Variants in RAB27B observed in about 807,000 individuals in gnomAD.
The protein encoded by RAB27B is ras-related protein Rab-27B.
RAB27B carries 15 observed loss-of-function variants against 24.6 expected under a neutral mutation model. The ratio of observed to expected loss-of-function variants is 0.61; its 90% CI spans 0.41 to 0.94. The LOEUF (loss-of-function observed/expected upper bound fraction) is 0.94. Among genes scored for constraint, RAB27B ranks in the 40% least tolerant of loss-of-function variants. The pLI, the probability that RAB27B is intolerant of heterozygous loss-of-function variation, is 0.00. For missense variants in RAB27B, 261 were observed against 266.8 expected (o/e 0.98, Z 0.15); for synonymous variants, 105 against 92.5 (o/e 1.14, Z -0.78).
At chr18:54,875,074 G>C (rs1413471466) in intron 1 of RAB27B, among the ~76,000 whole-genome samples, 1 of 152,182 alleles carries the variant, frequency 6.6e-6, no homozygotes, top group East Asian at 1.9e-4. Context: ...TGTAATCCCA[G>C]CACTTTCGGA....
At chr18:54,730,493 G>T (rs928873014) in intron 2 of RAB27B, among the ~76,000 whole-genome samples, 2 of 151,974 alleles carry the variant, frequency 1.3e-5, no homozygotes, top group East Asian at 1.9e-4. Context: ...TTACCTATAT[G>T]ATATGGTTTG....
At chr18:54,771,651 AG>A (rs1876776391) in intron 2 of RAB27B, among the ~76,000 whole-genome samples, 1 of 151,164 alleles carries the variant, frequency 6.6e-6, no homozygotes, top group Non-Finnish European at 1.5e-5. Flanking sequence ...GGCTCTAAAA[AG>A]ACTTTGTAAA....
intron 1 of RAB27B, among the ~76,000 whole-genome samples, chr18:54,830,225 A>G (rs1910621659): frequency 6.6e-6 from 1 of 152,230 alleles, no homozygotes; most frequent in Non-Finnish European, 1.5e-5. Context: ...GCCAGTTTAC[A>G]CTACAACTGT....
chr18:54,865,011 A>G (rs1229303457), intron 1 of RAB27B, among the ~76,000 whole-genome samples: 1 of 152,132 alleles, frequency 6.6e-6, no homozygotes, highest in Non-Finnish European at 1.5e-5. Context: ...AAATGTGTTA[A>G]TTATTAGTGT....
chr18:54,850,333 GATATATAT>G (rs35735191), intron 1 of RAB27B, among the ~76,000 whole-genome samples: 5,238 of 95,230 alleles, frequency 0.055, 644 homozygotes, highest in African/African-American at 0.23. Flanking sequence ...AAACAAACAG[GATATATAT>G]ATATATATAT....
intron 1 of RAB27B, among the ~76,000 whole-genome samples, chr18:54,849,935 A>C (rs893651569): frequency 6.6e-6 from 1 of 152,144 alleles, no homozygotes; most frequent in Non-Finnish European, 1.5e-5. Context: ...TCATACCTTT[A>C]AAAGGAAAAA....
intron 2 of RAB27B, among the ~76,000 whole-genome samples, chr18:54,791,561 G>C (rs561452333): frequency 6.6e-6 from 1 of 152,166 alleles, no homozygotes; most frequent in Non-Finnish European, 1.5e-5. Context: ...CGGAAGAGGG[G>C]AAGGGAGGTG....
In RAB27B at chr18:54,894,085, T is replaced by G. The variant is rs79903345; in HGVS notation, c.*4672T>G. On this transcript the variant is annotated 3_prime_UTR_variant, in exon 6 of 6. Coordinates refer to ENST00000262094, the MANE Select transcript of RAB27B (RefSeq NM_004163.4). Reference sequence around the variant, plus strand: ...ATAAATTAGATTTATGATATTTTCATAAAGCACTTGATTAGTTTTTCAAGG... The same window carrying G: ...ATAAATTAGATTTATGATATTTTCAGAAAGCACTTGATTAGTTTTTCAAGG... 78 of 152,088 alleles carry G rather than the reference T, an allele frequency of 5.1e-4. 1 individual carries two copies. The East Asian group carries it at 8.1e-3, about 16-fold the overall frequency. 9.4% of individuals were successfully genotyped at this position (152,088 alleles called of 1,614,324 possible). A position where few individuals can be genotyped will look rare whatever the true frequency, so the allele number is the denominator to read the frequency against.
chr18:54,756,996 C>T (rs1006322175), intron 2 of RAB27B, among the ~76,000 whole-genome samples: 2 of 152,118 alleles, frequency 1.3e-5, no homozygotes, highest in African/African-American at 4.8e-5. Context: ...GATAGTATGA[C>T]ACCTGCAATG....
Position 54,795,976 on chromosome 18 carries a change from G to C in RAB27B, c.-20+77835G>C, listed in dbSNP as rs181879494. On this transcript the variant is annotated intron_variant, in intron 2 of 4. Coordinates refer to the RAB27B transcript ENST00000586570. ...ATTGAAACATGTATACACCCGTGAA[G>C]CCATCACAATAATTAAATGAATATA... Among the ~76,000 whole-genome samples, 636 of 152,236 alleles carry C rather than the reference G, an allele frequency of 4.2e-3. 4 individuals carry two copies. Among genetic ancestry groups the C allele is most frequent in the Non-Finnish European group, 4.7e-3 (319 of 68,016 alleles).
chr18:54,869,702 C>T (rs1912386818), intron 1 of RAB27B, among the ~76,000 whole-genome samples: 2 of 152,178 alleles, frequency 1.3e-5, no homozygotes, highest in Non-Finnish European at 2.9e-5. Flanking sequence ...TAAAAATAAA[C>T]TCTTGAAGAA....
chr18:54,741,888 C>T lies in RAB27B; in HGVS notation c.-20+23747C>T, dbSNP rs77568921. ...CCTAAGCTGGCAGTAGGTAAGAAGT[C>T]AAGGCCTCTATAATATCTGAAGACA... On this transcript the variant is annotated intron_variant, in intron 2 of 4. Transcript: ENST00000586570. Among the ~76,000 whole-genome samples the T allele has an allele frequency of 1.4e-3, 209 of 152,276 alleles. 1 individual carries two copies. Among genetic ancestry groups the T allele is most frequent in the African/African-American group, 4.9e-3 (204 of 41,570 alleles).
intron 2 of RAB27B, among the ~76,000 whole-genome samples, chr18:54,814,885 A>G (rs1910075055): frequency 1.3e-5 from 2 of 152,182 alleles, no homozygotes; most frequent in South Asian, 4.1e-4. Context: ...GTCTGTGAAC[A>G]CGTTTGTGAG....
chr18:54,745,003 C>T, intron 2 of RAB27B: 1 of 180,752 alleles, frequency 5.5e-6, no homozygotes, highest in Non-Finnish European at 1.2e-5. Flanking sequence ...GGCAAGTGGG[C>T]TTTGCTGAAG....
intron 2 of RAB27B, among the ~76,000 whole-genome samples, chr18:54,789,428 A>G (rs975968083): frequency 2.0e-5 from 3 of 152,140 alleles, no homozygotes; most frequent in Non-Finnish European, 2.9e-5. Context: ...AAATATTAGA[A>G]AGATGTTTAG....
chr18:54,874,125 G>A (rs534440896), intron 1 of RAB27B, among the ~76,000 whole-genome samples: 18 of 152,184 alleles, frequency 1.2e-4, no homozygotes, highest in Non-Finnish European at 1.0e-4. Flanking sequence ...AGGAAAACAT[G>A]ATAGGTCGTG....
At chr18:54,728,903 C>CAAAACAAAA (rs1909634826) in intron 2 of RAB27B, among the ~76,000 whole-genome samples, 5 of 68,254 alleles carry the variant, frequency 7.3e-5, no homozygotes, top group South Asian at 6.9e-4. Context: ...AAAAAAAACC[C>CAAAACAAAA]AAAAAAAAAA....
chr18:54,748,887 A>G lies in RAB27B; in HGVS notation c.-20+30746A>G, dbSNP rs150447113. On this transcript the variant is annotated intron_variant, in intron 2 of 4. Coordinates refer to the RAB27B transcript ENST00000586570. ...TGGTTGAGGTTCACATATGCTCTTCATAGAAGAAAGGTGTACAGACCCAGG... is the reference window on the plus strand; with the variant it reads ...TGGTTGAGGTTCACATATGCTCTTCGTAGAAGAAAGGTGTACAGACCCAGG... 3.7e-4 allele frequency among the ~76,000 whole-genome samples: 57 copies of G among 152,366 alleles called. 2 individuals carry two copies. In the East Asian group the frequency reaches 9.8e-3, roughly 26 times the overall value.
At position 54,890,123 on chromosome 18, in the gene RAB27B, G is replaced by T. The variant is rs1395624089; in HGVS notation, c.*710G>T. The T allele has an allele frequency of 6.6e-6, 1 of 152,036 alleles. No homozygotes were observed. 9.4% of individuals were successfully genotyped at this position (152,036 alleles called of 1,614,324 possible). On this transcript the variant is annotated 3_prime_UTR_variant, in exon 6 of 6. Transcript: ENST00000262094. The stretch of plus-strand genomic sequence containing the variant: ...AAATACCCTGGGAAAAAAAATGAAA[G>T]TATGAGAAATTGGCATTTCTACAGC...
Sources: allele counts gnomAD v4.1 joint callset (sites outside exome capture counted in the v4.1 genomes callset), GRCh38; gene constraint gnomAD v4.1.1; transcripts MANE v1.5; gene names NCBI Gene and HGNC (gene_info 2026-07-23, HGNC 2026-07-21).